The following FANCD2 variants were observed in gnomAD, a reference collection of about 807,000 sequenced individuals.
FANCD2 encodes the protein Fanconi anemia group D2 protein.
Under a neutral mutation model 192.3 loss-of-function variants are expected in FANCD2, and 131 were observed. The observed-to-expected ratio is 0.68, with a 90% confidence interval of 0.59 to 0.79. FANCD2 has a LOEUF of 0.79. Among genes scored for constraint, FANCD2 ranks in the 30% least tolerant of loss-of-function variants. The probability of loss-of-function intolerance (pLI) is 0.00; values close to 1 mark genes in which losing one functional copy is unlikely to be tolerated. For synonymous variants in FANCD2, 524 were observed against 612.5 expected (o/e 0.86, Z 2.13); for missense variants, 1,508 against 1,701.6 (o/e 0.89, Z 2.00).
Position 10,092,268 on chromosome 3 carries a change from G to C in FANCD2, c.3849+16G>C, listed in dbSNP as rs767163581. 6.3e-7 allele frequency: 1 copy of C among 1,581,062 alleles called. No homozygotes were observed. Among genetic ancestry groups the C allele is most frequent in the South Asian group, 1.1e-5 (1 of 90,372 alleles). On this transcript the variant is annotated intron_variant, in intron 38 of 43. Coordinates refer to ENST00000675286, the MANE Select transcript of FANCD2 (RefSeq NM_001018115.3). Reference sequence around the variant, plus strand: ...CTTGATAAAGGTGAGTATGGAGACTGCTTGACACATCTCACCAAATAACTG... The same window carrying C: ...CTTGATAAAGGTGAGTATGGAGACTCCTTGACACATCTCACCAAATAACTG...
chr3:10,071,482 T>G (rs1693242337), intron 26 of FANCD2, among the ~76,000 whole-genome samples: 1 of 152,100 alleles, frequency 6.6e-6, no homozygotes, highest in South Asian at 2.1e-4. Context: ...GTGGTCCGTA[T>G]ACACAATGGA....
At position 10,085,390 on chromosome 3, in the gene FANCD2, CT is replaced by C. The variant is rs919076257; in HGVS notation, c.3225-419del. On this transcript the variant is annotated intron_variant, in intron 32 of 43. Transcript: ENST00000675286. ...CCATTTCAATTCTTTTTTCTTTTTT[CT>C]TTCTTTTTTTTTTTTTTTTGAGATG... Among the ~76,000 whole-genome samples the C allele has an allele frequency of 4.6e-4, 68 of 146,484 alleles. 1 individual carries two copies. Among genetic ancestry groups the C allele is most frequent in the Non-Finnish European group, 8.6e-4 (57 of 66,366 alleles).
intron 41 of FANCD2, 116 bp from the exon 42 acceptor site, chr3:10,096,210 C>T (rs1694948992): frequency 1.1e-5 from 11 of 1,004,260 alleles, no homozygotes; most frequent in Admixed American, 6.9e-5. Context: ...TGGAACATAC[C>T]GTTGGCCCAT....
intron 26 of FANCD2, among the ~76,000 whole-genome samples, chr3:10,069,461 C>T (rs1450592365): frequency 3.3e-5 from 3 of 91,416 alleles, no homozygotes; most frequent in African/African-American, 1.6e-4. Flanking sequence ...GTTAAGATGC[C>T]TCTCCCCCTC....
At chr3:10,051,443 A>G in intron 17 of FANCD2, among the ~76,000 whole-genome samples, 1 of 11,590 alleles carries the variant, frequency 8.6e-5, no homozygotes, top group South Asian at 6.3e-3. Flanking sequence ...CCAGTGTTGG[A>G]CACTGAAAAA....
intron 32 of FANCD2, among the ~76,000 whole-genome samples, chr3:10,082,351 A>G (rs761639254): frequency 6.6e-6 from 1 of 151,976 alleles, no homozygotes; most frequent in Non-Finnish European, 1.5e-5. Context: ...TTATCTCTCA[A>G]CCTGGACTGG....
At position 10,098,728 on chromosome 3, in the gene FANCD2, G is replaced by A. The variant is rs756838566; in HGVS notation, c.4194G>A (p.Glu1398=). The A allele has an allele frequency of 4.3e-6, 7 of 1,614,168 alleles. No individual in the cohort carries two copies. In the South Asian group the frequency reaches 7.7e-5, roughly 18 times the overall value. Residue 1398 remains glutamate (E), a synonymous_variant, in exon 43 of 44, where the codon GAG becomes GAA. Transcript: ENST00000675286. ...NLKNRDLQGE[E]IKSQNSQEST... The stretch of plus-strand genomic sequence containing the variant: ...GGTCCATTCACATTTAGGGTGAAGA[G>A]ATTAAGTCCCAAAATTCCCAGGAGA...
chr3:10,067,319 T>C lies in FANCD2; in HGVS notation c.2494+2T>C, dbSNP rs779552164. ...TAATCCTGGAAAAGTACTTGGCAGG[T>C]AAGAGAAGTGTCCTATACTGGTAGT... On this transcript the variant is annotated splice_donor_variant, in intron 26 of 43. Transcript: ENST00000675286. LOFTEE classifies it high-confidence loss of function. 2.5e-6 allele frequency: 4 copies of C among 1,586,014 alleles called. No homozygotes were observed. Among genetic ancestry groups the C allele is most frequent in the Admixed American group, 1.7e-5 (1 of 59,846 alleles).
intron 7 of FANCD2, among the ~76,000 whole-genome samples, chr3:10,038,578 G>GTTTTT (rs2086786692): frequency 7.2e-6 from 1 of 139,620 alleles, no homozygotes; most frequent in African/African-American, 2.9e-5. Context: ...ATATATGCTT[G>GTTTTT]CTTTTTTTTT....
chr3:10,060,608 C>A (rs1206657498), intron 19 of FANCD2, among the ~76,000 whole-genome samples: 1 of 152,178 alleles, frequency 6.6e-6, no homozygotes, highest in Non-Finnish European at 1.5e-5. Context: ...CTAGCCATTA[C>A]AGTCTGTGGT....
At chr3:10,040,316 A>C (rs1208465188) in intron 9 of FANCD2, 1 of 358,648 alleles carries the variant, frequency 2.8e-6, no homozygotes, top group East Asian at 7.6e-5. Context: ...GATTACAGGC[A>C]TGAGCCACCG....
chr3:10,047,892 C>G (rs765976136), intron 15 of FANCD2, 25 bp from the exon 16 acceptor site: 3 of 1,611,864 alleles, frequency 1.9e-6, no homozygotes, highest in Non-Finnish European at 2.5e-6. Context: ...AGCTTCTTTT[C>G]TCTCTCTACT....
Position 10,042,683 on chromosome 3 carries a change from C to G in FANCD2, c.888+20C>G, listed in dbSNP as rs774226785. The G allele has an allele frequency of 6.3e-7, 1 of 1,590,298 alleles. No individual in the cohort carries two copies. The highest frequency in any genetic ancestry group is 8.6e-7 in the Non-Finnish European group (1 of 1,158,274). ...CTTGAGGTATGCTCTTATATCCCAT[C>G]ACACCTAGATAAAGCAACTTAAGTG... On this transcript the variant is annotated intron_variant, in intron 11 of 43. Coordinates refer to ENST00000675286, the MANE Select transcript of FANCD2 (RefSeq NM_001018115.3).
intron 42 of FANCD2, 70 bp from the exon 43 acceptor site, chr3:10,098,650 C>G: frequency 6.4e-7 from 1 of 1,574,380 alleles, no homozygotes; most frequent in Non-Finnish European, 8.6e-7. Flanking sequence ...CCTGTAAACT[C>G]AACCTTCTCC....
At position 10,101,154 on chromosome 3, in the gene FANCD2, TA is replaced by T. The variant is rs759927900; in HGVS notation, c.4282-30del. 3.4e-5 allele frequency: 53 copies of T among 1,549,900 alleles called. 1 individual carries two copies. The South Asian group carries it at 5.9e-4, about 17-fold the overall frequency. ...CCAGAGGTCACCCAGAGCAGTAACC[TA>T]AAATGCTTATTTATTTATTCTTTGC... On this transcript the variant is annotated intron_variant, in intron 43 of 43. Coordinates refer to ENST00000675286, the MANE Select transcript of FANCD2 (RefSeq NM_001018115.3).
chr3:10,031,999 C>T (rs1382910774), intron 2 of FANCD2, among the ~76,000 whole-genome samples: 3 of 152,164 alleles, frequency 2.0e-5, no homozygotes, highest in Non-Finnish European at 2.9e-5. Context: ...GCGCACGCCA[C>T]CACACCCAGT....
At chr3:10,068,548 T>C (rs1168469627) in intron 26 of FANCD2, among the ~76,000 whole-genome samples, 1 of 151,654 alleles carries the variant, frequency 6.6e-6, no homozygotes, top group East Asian at 1.9e-4. Flanking sequence ...GAATTAATAT[T>C]GTTAAAATTT....
intron 29 of FANCD2, among the ~76,000 whole-genome samples, chr3:10,077,800 C>G (rs765076566): frequency 2.0e-5 from 3 of 151,854 alleles, no homozygotes; most frequent in Non-Finnish European, 2.9e-5. Context: ...GAGGCCAAGG[C>G]AGAAGGATCA....
rs9838049 is a variant in FANCD2 at position 10,067,034 on chromosome 3, A to G, written c.2386-175A>G. ...GCCACCACGCCTGGCTGAATCTCCT[A>G]TATTTTGGGCCAGAGATTTTTTTTC... On this transcript the variant is annotated intron_variant, in intron 25 of 43. Transcript: ENST00000675286. Among the ~76,000 whole-genome samples, 4,604 of 152,194 alleles carry G rather than the reference A, an allele frequency of 0.03. 239 individuals carry two copies. The highest frequency in any genetic ancestry group is 0.11 in the African/African-American group (4,368 of 41,518).
Sources: gnomAD v4.1 joint callset for allele counts (sites outside exome capture counted in the v4.1 genomes callset) on GRCh38, gnomAD v4.1.1 for gene constraint, MANE v1.5 for transcripts, NCBI Gene and HGNC (gene_info 2026-07-23, HGNC 2026-07-21) for gene names.